Variants in CTNNA2 observed in about 807,000 individuals in gnomAD.
The protein encoded by CTNNA2 is catenin alpha 2.
Under a neutral mutation model 101.0 loss-of-function variants are expected in CTNNA2, and 42 were observed. The observed-to-expected ratio is 0.42, with a 90% CI of 0.32 to 0.54. CTNNA2 has a LOEUF of 0.54. Among genes scored for constraint, CTNNA2 ranks in the 20% least tolerant of loss-of-function variants. The pLI, the probability that CTNNA2 is intolerant of heterozygous loss-of-function variation, is 0.14. For missense variants in CTNNA2, 871 were observed against 1,223.1 expected (o/e 0.71, Z 4.29); for synonymous variants, 450 against 456.4 (o/e 0.99, Z 0.18).
intron 2 of CTNNA2, among the ~76,000 whole-genome samples, chr2:79,284,774 TC>T (rs1675512972): frequency 6.7e-6 from 1 of 150,040 alleles, no homozygotes; most frequent in Middle Eastern, 3.2e-3. Flanking sequence ...GCTGGCCTCA[TC>T]AAATGAGTTA....
At chr2:79,750,584 C>T (rs12998564) in intron 3 of CTNNA2, among the ~76,000 whole-genome samples, 19,305 of 152,234 alleles carry the variant, frequency 0.13, 1,388 homozygotes, top group Middle Eastern at 0.17. Flanking sequence ...AGGTAAGGGC[C>T]GGGCGTGGCG....
At chr2:79,456,385 T>G (rs990752298) in intron 4 of CTNNA2, among the ~76,000 whole-genome samples, 8 of 152,116 alleles carry the variant, frequency 5.3e-5, no homozygotes, top group Non-Finnish European at 1.0e-4. Context: ...TAAAGATTCT[T>G]AAAGCCATTT....
chr2:79,648,185 A>T (rs1680958977), intron 1 of CTNNA2, among the ~76,000 whole-genome samples: 1 of 152,152 alleles, frequency 6.6e-6, no homozygotes, highest in East Asian at 1.9e-4. Flanking sequence ...GCGGGATGAC[A>T]TTCTCAGTTA....
At chr2:79,345,392 C>G (rs1305663162) in intron 3 of CTNNA2, among the ~76,000 whole-genome samples, 1 of 152,086 alleles carries the variant, frequency 6.6e-6, no homozygotes, top group African/African-American at 2.4e-5. Context: ...ACATTGATGG[C>G]TAACTTCCAT....
chr2:79,527,965 G>A (rs984578507), intron 1 of CTNNA2, among the ~76,000 whole-genome samples: 2 of 152,164 alleles, frequency 1.3e-5, no homozygotes, highest in Admixed American at 1.3e-4. Context: ...TTTATACAAT[G>A]GGATAATATT....
chr2:79,860,546 G>GTTTTTTTTTTTTT lies in CTNNA2; in HGVS notation c.465+2374_465+2386dup, dbSNP rs56929879. On this transcript the variant is annotated intron_variant, in intron 4 of 18. Transcript: ENST00000402739. ...TTCTCCACACAGCCGAGTAAGGGAA[G>GTTTTTTTTTTTTT]TTTTTTTTTTTTTTTTTTTAACGAT... Among the ~76,000 whole-genome samples, 164 of 107,182 alleles carry GTTTTTTTTTTTTT rather than the reference G, an allele frequency of 1.5e-3. 6 individuals are homozygous for GTTTTTTTTTTTTT. The highest frequency in any genetic ancestry group is 3.5e-3 in the African/African-American group (94 of 27,092). The allele number at this position is 107,182 out of a possible 152,430, so 70.3% of individuals were successfully genotyped here.
intron 4 of CTNNA2, among the ~76,000 whole-genome samples, chr2:79,466,024 G>T (rs976220719): frequency 2.0e-5 from 3 of 152,206 alleles, no homozygotes; most frequent in African/African-American, 7.2e-5. Flanking sequence ...ACTGGGGCTT[G>T]TCGGACAGTG....
chr2:80,425,419 A>G (rs1195500275), intron 9 of CTNNA2, among the ~76,000 whole-genome samples: 3 of 152,220 alleles, frequency 2.0e-5, no homozygotes, highest in Non-Finnish European at 4.4e-5. Context: ...ATAAATCAAT[A>G]AAAACAGTTC....
At chr2:80,105,261 A>G (rs1700806255) in intron 7 of CTNNA2, among the ~76,000 whole-genome samples, 1 of 152,184 alleles carries the variant, frequency 6.6e-6, no homozygotes, top group African/African-American at 2.4e-5. Context: ...AGGCCATTTC[A>G]TGCCTCTCTG....
intron 9 of CTNNA2, among the ~76,000 whole-genome samples, chr2:80,433,230 A>C (rs1412790409): frequency 6.6e-6 from 1 of 152,062 alleles, no homozygotes. Flanking sequence ...TCCTGTGCCT[A>C]TTCTGTAAAC....
At chr2:79,191,145 A>C (rs374398461) in intron 1 of CTNNA2, among the ~76,000 whole-genome samples, 2 of 152,310 alleles carry the variant, frequency 1.3e-5, no homozygotes, top group South Asian at 4.1e-4. Context: ...GGTGTGGAAG[A>C]AAAGTGTGGG....
At chr2:79,882,610 C>T (rs1284065821) in intron 6 of CTNNA2, among the ~76,000 whole-genome samples, 1 of 152,248 alleles carries the variant, frequency 6.6e-6, no homozygotes, top group Non-Finnish European at 1.5e-5. Flanking sequence ...GGATGTCACC[C>T]TTACCCCTCC....
In CTNNA2 at chr2:79,727,718, C is replaced by A. The variant is rs1422739322; in HGVS notation, c.103-16669C>A. Among the ~76,000 whole-genome samples the A allele has an allele frequency of 1.7e-4, 16 of 96,722 alleles. No homozygotes were observed. In the East Asian group the frequency reaches 5.9e-3, roughly 35 times the overall value. The allele number at this position is 96,722 out of a possible 152,430, so 63.5% of individuals were successfully genotyped here. A position where few individuals can be genotyped will look rare whatever the true frequency, so the allele number is the denominator to read the frequency against. On this transcript the variant is annotated intron_variant, in intron 2 of 18. Coordinates refer to ENST00000402739, the MANE Select transcript of CTNNA2 (RefSeq NM_001282597.3). Reference sequence around the variant, plus strand: ...CATTAGGTATATCTCCTAAAGCTATCCCTCCCCCCTCCCCCCACCCCACAA... The same window carrying A: ...CATTAGGTATATCTCCTAAAGCTATACCTCCCCCCTCCCCCCACCCCACAA...
At chr2:80,075,460 G>A (rs1698612697) in intron 7 of CTNNA2, among the ~76,000 whole-genome samples, 1 of 151,258 alleles carries the variant, frequency 6.6e-6, no homozygotes. Flanking sequence ...CTAGGGCTGT[G>A]TAAGGGTTAA....
chr2:79,218,333 GT>G, intron 2 of CTNNA2, among the ~76,000 whole-genome samples: 1 of 77,978 alleles, frequency 1.3e-5, no homozygotes, highest in African/African-American at 3.9e-5. Context: ...GTGTGTGTGT[GT>G]GTGTGTGTGT....
chr2:79,595,694 G>C (rs1409864864), intron 1 of CTNNA2, among the ~76,000 whole-genome samples: 3 of 152,036 alleles, frequency 2.0e-5, no homozygotes, highest in Middle Eastern at 6.8e-3. Flanking sequence ...CCTTAATTTA[G>C]ACCTTCGTTT....
intron 9 of CTNNA2, among the ~76,000 whole-genome samples, chr2:80,501,514 A>G (rs1329849975): frequency 1.3e-5 from 2 of 152,208 alleles, no homozygotes; most frequent in East Asian, 3.9e-4. Flanking sequence ...GAAACTCCTT[A>G]AAGAATCCAT....
chr2:79,905,644 T>C (rs1037914254), intron 6 of CTNNA2, among the ~76,000 whole-genome samples: 11 of 151,938 alleles, frequency 7.2e-5, no homozygotes, highest in African/African-American at 2.7e-4. Context: ...ATGGTGGTGG[T>C]GGTGATTTGG....
At chr2:80,492,556 C>T (rs1321729705) in intron 9 of CTNNA2, among the ~76,000 whole-genome samples, 1 of 152,150 alleles carries the variant, frequency 6.6e-6, no homozygotes, top group African/African-American at 2.4e-5. Flanking sequence ...TTTTTGACTC[C>T]TCATTTACAT....
Sources: gnomAD v4.1 joint callset for allele counts (sites outside exome capture counted in the v4.1 genomes callset) on GRCh38, gnomAD v4.1.1 for gene constraint, MANE v1.5 for transcripts, NCBI Gene and HGNC (gene_info 2026-07-23, HGNC 2026-07-21) for gene names.